Variants in CSMD1 observed in about 807,000 individuals in gnomAD.
CSMD1 encodes the protein CUB and sushi domain-containing protein 1.
CSMD1 carries 213 observed loss-of-function variants against 417.5 expected under a neutral mutation model. The ratio of observed to expected loss-of-function variants is 0.51; its 90% CI spans 0.46 to 0.57. CSMD1 has a LOEUF of 0.57. Among genes scored for constraint, CSMD1 ranks in the 20% least tolerant of loss-of-function variants. The pLI is 0.00. For synonymous variants in CSMD1, 2,862 were observed against 1,736.8 expected (o/e 1.65, Z -16.11); for missense variants, 6,923 against 4,529.7 (o/e 1.53, Z -15.17).
intron 12 of CSMD1, among the ~76,000 whole-genome samples, chr8:3,451,311 T>A (rs983101211): frequency 1.3e-5 from 2 of 152,192 alleles, no homozygotes; most frequent in African/African-American, 4.8e-5. Context: ...CAGAAGCTCT[T>A]TAGTTTAATT....
At chr8:3,087,758 T>A (rs1385082757) in intron 48 of CSMD1, among the ~76,000 whole-genome samples, 2 of 152,238 alleles carry the variant, frequency 1.3e-5, no homozygotes, top group Non-Finnish European at 2.9e-5. Context: ...GCAGGTTGAC[T>A]TGGTCTAGAG....
chr8:4,701,269 T>C (rs997330025), intron 1 of CSMD1, among the ~76,000 whole-genome samples: 7 of 151,832 alleles, frequency 4.6e-5, no homozygotes, highest in Admixed American at 3.9e-4. Flanking sequence ...CAAATACCAA[T>C]GATAAGTCAA....
chr8:3,991,836 G>C (rs2407131), intron 5 of CSMD1, among the ~76,000 whole-genome samples: 8,525 of 152,144 alleles, frequency 0.056, 478 homozygotes, highest in East Asian at 0.27. Context: ...TTTTTGGATG[G>C]TTGAATATTT....
chr8:4,303,555 A>T (rs1033434023), intron 3 of CSMD1, among the ~76,000 whole-genome samples: 1 of 151,842 alleles, frequency 6.6e-6, no homozygotes, highest in Non-Finnish European at 1.5e-5. Context: ...AATTTTAAAA[A>T]ATTTCTTCTC....
chr8:4,558,052 C>G (rs370562898), intron 2 of CSMD1, among the ~76,000 whole-genome samples: 1 of 152,146 alleles, frequency 6.6e-6, no homozygotes, highest in African/African-American at 2.4e-5. Flanking sequence ...TGCCTTATGT[C>G]ATACTGACTC....
chr8:3,355,147 G>A (rs1214548943), intron 21 of CSMD1, among the ~76,000 whole-genome samples: 2 of 151,604 alleles, frequency 1.3e-5, no homozygotes, highest in African/African-American at 2.4e-5. Context: ...AGCAAATAGA[G>A]TTAATACAGT....
At chr8:4,971,855 G>T (rs939348038) in intron 1 of CSMD1, among the ~76,000 whole-genome samples, 1 of 152,006 alleles carries the variant, frequency 6.6e-6, no homozygotes, top group East Asian at 1.9e-4. Flanking sequence ...AATTCAGGAA[G>T]AAATGGACTG....
intron 5 of CSMD1, among the ~76,000 whole-genome samples, chr8:3,961,961 G>C (rs2129988051): frequency 6.6e-6 from 1 of 152,306 alleles, no homozygotes; most frequent in South Asian, 2.1e-4. Context: ...CATATTGAAA[G>C]GAAAAGCAAT....
intron 1 of CSMD1, among the ~76,000 whole-genome samples, chr8:4,927,468 G>C (rs980923371): frequency 3.3e-5 from 5 of 152,134 alleles, no homozygotes; most frequent in Non-Finnish European, 7.3e-5. Flanking sequence ...CTGAGGCTTG[G>C]GGCTCAAGTC....
intron 3 of CSMD1, among the ~76,000 whole-genome samples, chr8:4,390,125 C>T (rs1372409397): frequency 1.3e-5 from 2 of 152,202 alleles, no homozygotes; most frequent in Non-Finnish European, 1.5e-5. Context: ...TTTTAATGCT[C>T]AGCAATTGGA....
At chr8:3,724,419 T>C (rs1001886568) in intron 6 of CSMD1, among the ~76,000 whole-genome samples, 51 of 152,182 alleles carry the variant, frequency 3.4e-4, no homozygotes, top group African/African-American at 1.2e-3. Context: ...CACTTTTAAA[T>C]GAAGTGATAA....
At chr8:4,659,690 A>G (rs1361852462) in intron 1 of CSMD1, among the ~76,000 whole-genome samples, 2 of 152,156 alleles carry the variant, frequency 1.3e-5, no homozygotes, top group South Asian at 2.1e-4. Flanking sequence ...TCCTTTTTGG[A>G]TGATAAACTG....
intron 2 of CSMD1, among the ~76,000 whole-genome samples, chr8:4,601,850 G>A (rs946632554): frequency 3.3e-5 from 5 of 152,108 alleles, no homozygotes; most frequent in Non-Finnish European, 7.3e-5. Context: ...TTTCACCCTG[G>A]GTTCTGAGTC....
At chr8:4,187,668 C>G (rs1246428983) in intron 3 of CSMD1, among the ~76,000 whole-genome samples, 3 of 74,422 alleles carry the variant, frequency 4.0e-5, no homozygotes, top group East Asian at 4.4e-4. Context: ...AAGAGTGAAA[C>G]TCCGTCTCAA....
chr8:4,225,807 G>T (rs10105671), intron 3 of CSMD1, among the ~76,000 whole-genome samples: 2 of 151,780 alleles, frequency 1.3e-5, no homozygotes, highest in African/African-American at 2.4e-5. Context: ...TTTATTGCAT[G>T]ACATTCTTAG....
At chr8:3,282,857 T>G (rs1357428490) in intron 26 of CSMD1, among the ~76,000 whole-genome samples, 1 of 152,160 alleles carries the variant, frequency 6.6e-6, no homozygotes, top group African/African-American at 2.4e-5. Context: ...AAATATGACT[T>G]GTCAGTGAGC....
At chr8:4,849,833 T>C (rs1801363618) in intron 1 of CSMD1, among the ~76,000 whole-genome samples, 1 of 152,216 alleles carries the variant, frequency 6.6e-6, no homozygotes, top group Middle Eastern at 3.2e-3. Context: ...TCTCAGAATA[T>C]TTCCTCATTG....
intron 1 of CSMD1, among the ~76,000 whole-genome samples, chr8:4,717,418 C>CTA (rs1407765312): frequency 4.0e-5 from 6 of 149,680 alleles, no homozygotes; most frequent in African/African-American, 1.2e-4. Context: ...TACACACACA[C>CTA]TATATATATA....
intron 20 of CSMD1, among the ~76,000 whole-genome samples, chr8:3,365,583 C>T (rs1485624274): frequency 5.3e-5 from 8 of 152,114 alleles, no homozygotes; most frequent in Non-Finnish European, 5.9e-5. Context: ...CACATGCAGA[C>T]GAACCATGTC....
Sources: allele counts gnomAD v4.1 joint callset (sites outside exome capture counted in the v4.1 genomes callset), GRCh38; gene constraint gnomAD v4.1.1; transcripts MANE v1.5; gene names NCBI Gene and HGNC (gene_info 2026-07-23, HGNC 2026-07-21).